SLC8A1: variants seen among roughly 807,000 people sequenced by gnomAD.
SLC8A1 encodes the protein solute carrier family 8 member A1, also known as sodium/calcium exchanger 1.
SLC8A1 carries 18 observed loss-of-function variants against 68.3 expected under a neutral mutation model. The observed-to-expected ratio is 0.26, with a 90% CI of 0.18 to 0.39. The LOEUF (loss-of-function observed/expected upper bound fraction) is 0.39. Ranked by LOEUF, SLC8A1 falls within the 10% of genes least tolerant of loss-of-function variation. The probability of loss-of-function intolerance (pLI) is 1.00; values close to 1 mark genes in which losing one functional copy is unlikely to be tolerated. For missense variants in SLC8A1, 985 were observed against 1,156.7 expected (o/e 0.85, Z 2.15); for synonymous variants, 475 against 415.5 (o/e 1.14, Z -1.74).
At chr2:40,399,479 G>A (rs1322140908) in intron 2 of SLC8A1, among the ~76,000 whole-genome samples, 1 of 152,146 alleles carries the variant, frequency 6.6e-6, no homozygotes, top group Non-Finnish European at 1.5e-5. Context: ...CCTTGAAGGA[G>A]AAGTTGGCTG....
At chr2:40,374,487 T>C (rs912289209) in intron 2 of SLC8A1, among the ~76,000 whole-genome samples, 3 of 152,058 alleles carry the variant, frequency 2.0e-5, no homozygotes, top group Non-Finnish European at 4.4e-5. Context: ...TGTATGTATT[T>C]GGAATTATAA....
At chr2:40,188,740 G>C (rs2051179924) in intron 2 of SLC8A1, among the ~76,000 whole-genome samples, 1 of 152,068 alleles carries the variant, frequency 6.6e-6, no homozygotes, top group Non-Finnish European at 1.5e-5. Flanking sequence ...AAATGAGCTG[G>C]GCTTTCTTAA....
chr2:40,430,240 GA>G lies in SLC8A1; in HGVS notation c.40del (p.Ser14GlnfsTer7). The G allele has an allele frequency of 6.2e-7, 1 of 1,613,304 alleles. No homozygotes were observed. Among genetic ancestry groups the G allele is most frequent in the Non-Finnish European group, 8.5e-7 (1 of 1,179,704 alleles). ...AGTAACTAACAGATGAAATCCCATT[GA>G]AAAGGTGGGTGAAAGACTTAATCGC... On this transcript the variant is annotated frameshift_variant, in exon 2 of 8. Coordinates refer to ENST00000406785, the Ensembl canonical transcript of SLC8A1. LOFTEE classifies it high-confidence loss of function.
At chr2:40,375,413 C>T (rs557768561) in intron 2 of SLC8A1, among the ~76,000 whole-genome samples, 1 of 152,204 alleles carries the variant, frequency 6.6e-6, no homozygotes, top group Admixed American at 6.5e-5. Context: ...AACAAACTTA[C>T]TTACAATATA....
chr2:40,400,231 C>G (rs1688301629), intron 2 of SLC8A1, among the ~76,000 whole-genome samples: 1 of 152,140 alleles, frequency 6.6e-6, no homozygotes, highest in Non-Finnish European at 1.5e-5. Context: ...AACTTGGTGT[C>G]TGAGGAGTTT....
intron 2 of SLC8A1, among the ~76,000 whole-genome samples, chr2:40,355,259 G>A (rs547228091): frequency 2.6e-5 from 4 of 152,132 alleles, no homozygotes; most frequent in Non-Finnish European, 5.9e-5. Flanking sequence ...AGGTGATTCC[G>A]ATGATTTTTT....
intron 2 of SLC8A1, among the ~76,000 whole-genome samples, chr2:40,240,211 A>G (rs1395484554): frequency 6.6e-6 from 1 of 152,236 alleles, no homozygotes; most frequent in East Asian, 1.9e-4. Flanking sequence ...AGATACAGAG[A>G]GTACTTATTA....
At chr2:40,104,907 A>C (rs2034102597) in exon 8 of SLC8A1, 1 of 151,400 alleles carries the variant, frequency 6.6e-6, no homozygotes, top group African/African-American at 2.4e-5. Context: ...CTTTTTCCTT[A>C]GGTAATTATC....
At chr2:40,404,677 G>A (rs766449661) in intron 2 of SLC8A1, among the ~76,000 whole-genome samples, 1 of 152,134 alleles carries the variant, frequency 6.6e-6, no homozygotes, top group Admixed American at 6.6e-5. Flanking sequence ...GCATTTTCAT[G>A]ATCTGAAAGT....
At chr2:40,404,673 T>C (rs1480196925) in intron 2 of SLC8A1, among the ~76,000 whole-genome samples, 1 of 152,192 alleles carries the variant, frequency 6.6e-6, no homozygotes, top group Non-Finnish European at 1.5e-5. Flanking sequence ...TCTCGCATTT[T>C]CATGATCTGA....
At chr2:40,256,451 A>C (rs1217446198) in intron 2 of SLC8A1, among the ~76,000 whole-genome samples, 3 of 152,252 alleles carry the variant, frequency 2.0e-5, no homozygotes, top group Non-Finnish European at 4.4e-5. Flanking sequence ...AAATGCCAGA[A>C]GGCATGTAAA....
At chr2:40,106,960 C>A (rs1283779768) in exon 8 of SLC8A1, 4 of 152,262 alleles carry the variant, frequency 2.6e-5, no homozygotes, top group Non-Finnish European at 1.5e-5. Flanking sequence ...CAGGTACCAA[C>A]TGTTTGAAAG....
At chr2:40,186,417 G>T (rs2050714747) in intron 2 of SLC8A1, among the ~76,000 whole-genome samples, 2 of 152,114 alleles carry the variant, frequency 1.3e-5, no homozygotes, top group Non-Finnish European at 2.9e-5. Context: ...TGGGGTTAGG[G>T]AAAGGGAGGA....
At chr2:40,487,708 G>C (rs1705058797) in intron 1 of SLC8A1, among the ~76,000 whole-genome samples, 1 of 152,190 alleles carries the variant, frequency 6.6e-6, no homozygotes, top group African/African-American at 2.4e-5. Context: ...AGTGTTCACT[G>C]TGACTCCAAG....
chr2:40,102,459 T>C (rs1293192424), exon 8 of SLC8A1: 1 of 151,616 alleles, frequency 6.6e-6, no homozygotes, highest in Non-Finnish European at 1.5e-5. Context: ...CAAGGGGCAA[T>C]GCATGAAATT....
intron 2 of SLC8A1, among the ~76,000 whole-genome samples, chr2:40,352,012 C>T (rs1339667907): frequency 6.6e-6 from 1 of 152,198 alleles, no homozygotes. Context: ...AATAAGGAAA[C>T]ATGAAAAGGT....
chr2:40,171,359 T>C (rs145494545), intron 4 of SLC8A1, among the ~76,000 whole-genome samples: 1 of 152,314 alleles, frequency 6.6e-6, no homozygotes, highest in Non-Finnish European at 1.5e-5. Context: ...ATTAAATAGG[T>C]ATACTGACTG....
intron 2 of SLC8A1, among the ~76,000 whole-genome samples, chr2:40,396,551 A>G (rs572937738): frequency 6.6e-6 from 1 of 152,186 alleles, no homozygotes; most frequent in African/African-American, 2.4e-5. Flanking sequence ...AACACGCAAC[A>G]CAACACTTTT....
At chr2:40,460,325 A>C (rs1703267374) in intron 1 of SLC8A1, among the ~76,000 whole-genome samples, 1 of 152,234 alleles carries the variant, frequency 6.6e-6, no homozygotes, top group South Asian at 2.1e-4. Flanking sequence ...CTTCACTTGT[A>C]ACAGATAGAT....
Sources: gnomAD v4.1 joint callset for allele counts (sites outside exome capture counted in the v4.1 genomes callset) on GRCh38, gnomAD v4.1.1 for gene constraint, MANE v1.5 for transcripts, NCBI Gene and HGNC (gene_info 2026-07-23, HGNC 2026-07-21) for gene names.